The following WWTR1 variants were observed in gnomAD, a reference collection of about 807,000 sequenced individuals.
WWTR1 encodes the protein WW domain containing transcription regulator 1.
In WWTR1, 13 loss-of-function variants were observed where a neutral mutation model predicts 40.1. That is an observed-to-expected ratio of 0.32 (90% confidence interval 0.21 to 0.52). WWTR1 has a LOEUF of 0.52. Among genes scored for constraint, WWTR1 ranks in the 20% least tolerant of loss-of-function variants. The pLI, the probability that WWTR1 is intolerant of heterozygous loss-of-function variation, is 0.97. For missense variants in WWTR1, 436 were observed against 523.1 expected (o/e 0.83, Z 1.63); for synonymous variants, 230 against 210.1 (o/e 1.09, Z -0.82).
At chr3:149,622,931 A>T (rs149800910) in intron 2 of WWTR1, among the ~76,000 whole-genome samples, 138 of 152,204 alleles carry the variant, frequency 9.1e-4, no homozygotes, top group African/African-American at 3.3e-3. Context: ...AACCCACTAA[A>T]GTGGGTCTGA....
At chr3:149,611,193 T>A (rs531190002) in intron 2 of WWTR1, among the ~76,000 whole-genome samples, 128 of 152,056 alleles carry the variant, frequency 8.4e-4, no homozygotes, top group South Asian at 5.8e-3. Context: ...ACTTTTTTTT[T>A]AAAAAGAAGG....
chr3:149,610,513 A>G (rs1480506262), intron 2 of WWTR1, among the ~76,000 whole-genome samples: 1 of 152,226 alleles, frequency 6.6e-6, no homozygotes, highest in East Asian at 1.9e-4. Flanking sequence ...ATGTTAGTTC[A>G]ACACGGGTAA....
At chr3:149,685,097 A>G (rs1423967116) in intron 1 of WWTR1, among the ~76,000 whole-genome samples, 1 of 152,164 alleles carries the variant, frequency 6.6e-6, no homozygotes, top group African/African-American at 2.4e-5. Flanking sequence ...CGCTATTCCC[A>G]TATCCCCTTT....
chr3:149,532,105 C>T (rs902573649), intron 4 of WWTR1, among the ~76,000 whole-genome samples: 2 of 152,142 alleles, frequency 1.3e-5, no homozygotes, highest in African/African-American at 2.4e-5. Context: ...TTATTTAACC[C>T]TCTGTTCTTC....
intron 2 of WWTR1, among the ~76,000 whole-genome samples, chr3:149,582,360 C>T (rs1392265336): frequency 2.0e-5 from 3 of 151,860 alleles, no homozygotes; most frequent in Non-Finnish European, 4.4e-5. Context: ...ACTTTGGCTG[C>T]GTTGCAAACA....
At chr3:149,661,921 C>T (rs779626373), upstream of WWTR1, among the ~76,000 whole-genome samples, 8 of 151,770 alleles carry the variant, frequency 5.3e-5, no homozygotes, top group Non-Finnish European at 5.9e-5. Flanking sequence ...TTAGTAGAGA[C>T]GGGGTTTCAC....
chr3:149,716,270 C>T (rs954477747), intron 5 of WWTR1, among the ~76,000 whole-genome samples: 21 of 151,994 alleles, frequency 1.4e-4, no homozygotes, highest in African/African-American at 5.1e-4. Flanking sequence ...GTAATCCCAG[C>T]TACTCAGAAG....
intron 4 of WWTR1, among the ~76,000 whole-genome samples, chr3:149,536,226 T>C (rs564654977): frequency 6.6e-6 from 1 of 152,236 alleles, no homozygotes; most frequent in Non-Finnish European, 1.5e-5. Context: ...GTAAAACAAA[T>C]ATATGAACGA....
chr3:149,573,073 ATAGT>A lies in WWTR1; in HGVS notation c.432-77_432-74del. The A allele has an allele frequency of 7.7e-6, 11 of 1,426,544 alleles. No individual in the cohort carries two copies. In the South Asian group the frequency reaches 1.5e-4, roughly 19 times the overall value. 88.4% of individuals were successfully genotyped at this position (1,426,544 alleles called of 1,614,324 possible). ...TATCATCATCACCAACAACAGCATA[ATAGT>A]TAATGACACTAATTCTTCCCTTAGG... On this transcript the variant is annotated intron_variant, in intron 2 of 6. Coordinates refer to ENST00000360632, the MANE Select transcript of WWTR1 (RefSeq NM_015472.6).
At chr3:149,526,155 T>A in intron 5 of WWTR1, 30 bp from the exon 6 acceptor site, 1 of 1,497,272 alleles carries the variant, frequency 6.7e-7, no homozygotes, top group Non-Finnish European at 9.1e-7. Context: ...GAAACTTCAA[T>A]ATGAGCCCAC....
At chr3:149,625,925 CCT>C (rs1740525928) in intron 2 of WWTR1, among the ~76,000 whole-genome samples, 1 of 152,192 alleles carries the variant, frequency 6.6e-6, no homozygotes, top group Non-Finnish European at 1.5e-5. Flanking sequence ...CATGCAGCAC[CCT>C]GAGTTTACCA....
intron 3 of WWTR1, among the ~76,000 whole-genome samples, chr3:149,544,022 C>A (rs1487422748): frequency 6.6e-6 from 1 of 151,784 alleles, no homozygotes; most frequent in Non-Finnish European, 1.5e-5. Flanking sequence ...CTTACCTTGG[C>A]CTCCCAAAGT....
In WWTR1 at chr3:149,671,656, C is replaced by T. The variant is rs1039450477; in HGVS notation, c.-107-1765G>A. Among the ~76,000 whole-genome samples the T allele has an allele frequency of 1.4e-3, 209 of 152,092 alleles. 4 individuals carry two copies. Among genetic ancestry groups the T allele is most frequent in the Admixed American group, 5.2e-3 (79 of 15,272 alleles). On this transcript the variant is annotated intron_variant, in intron 1 of 7. Transcript: ENST00000465804. ...ATATCCAATTGAATCTAAATCCAAG[C>T]GATTTGATGCCCACCACATCCATTT... is the stretch of plus-strand genomic sequence containing the variant.
At chr3:149,545,013 T>A (rs1736301608) in intron 3 of WWTR1, among the ~76,000 whole-genome samples, 1 of 152,104 alleles carries the variant, frequency 6.6e-6, no homozygotes, top group Non-Finnish European at 1.5e-5. Context: ...CAGGGAAAGC[T>A]CAGGAAACGA....
At chr3:149,642,557 C>T (rs988178660) in intron 2 of WWTR1, among the ~76,000 whole-genome samples, 1 of 151,728 alleles carries the variant, frequency 6.6e-6, no homozygotes, top group African/African-American at 2.4e-5. Context: ...GGGTGGATCA[C>T]GAGGTCAGGA....
At chr3:149,572,639 G>A (rs139461123) in intron 3 of WWTR1, among the ~76,000 whole-genome samples, 4 of 152,040 alleles carry the variant, frequency 2.6e-5, no homozygotes, top group African/African-American at 4.8e-5. Flanking sequence ...AACCACTTAT[G>A]AGCCCCGCCA....
chr3:149,520,949 T>C lies in WWTR1; in HGVS notation c.1059A>G (p.Gln353=), dbSNP rs1735016171. 6.2e-7 allele frequency: 1 copy of C among 1,612,542 alleles called. No individual in the cohort carries two copies. Among genetic ancestry groups the C allele is most frequent in the East Asian group, 2.2e-5 (1 of 44,826 alleles). The change falls in exon 7 of 7, where the codon CAA becomes CAG. Residue 353 remains glutamine (Q), a synonymous_variant. Coordinates refer to ENST00000360632, the MANE Select transcript of WWTR1 (RefSeq NM_015472.6). ...AGQTPMNINP[Q]QTRFPDFLDC... ...CAAGGAAATCAGGGAAACGGGTCTG[T>C]TGGGGATTGATGTTCATGGGTGTTT...
chr3:149,707,473 G>A (rs192324921), upstream of WWTR1, among the ~76,000 whole-genome samples: 48 of 152,020 alleles, frequency 3.2e-4, 2 homozygotes, highest in East Asian at 8.3e-3. Flanking sequence ...ATATCTTCAC[G>A]AACAGGAGAA....
chr3:149,623,614 C>T (rs184100270), intron 2 of WWTR1, among the ~76,000 whole-genome samples: 10 of 152,278 alleles, frequency 6.6e-5, no homozygotes, highest in East Asian at 5.8e-4. Context: ...ATCACTTCTA[C>T]GAACTTGCAT....
Sources: gnomAD v4.1 joint callset for allele counts (sites outside exome capture counted in the v4.1 genomes callset) on GRCh38, gnomAD v4.1.1 for gene constraint, MANE v1.5 for transcripts, NCBI Gene and HGNC (gene_info 2026-07-23, HGNC 2026-07-21) for gene names.